ENTREP2: variants seen among roughly 807,000 people sequenced by gnomAD.
The protein encoded by ENTREP2 is protein ENTREP2.
the ENTREP2 span, among the ~76,000 whole-genome samples, chr15:29,244,562 A>G: frequency 1.2e-3 from 188 of 152,326 alleles, 3 homozygotes; most frequent in Admixed American, 0.012. Flanking sequence ...TGGATATGGA[A>G]GGCTGTGGTC....
the ENTREP2 span, among the ~76,000 whole-genome samples, chr15:29,516,309 A>C: frequency 6.6e-6 from 1 of 152,200 alleles, no homozygotes; most frequent in Admixed American, 6.5e-5. Context: ...ATGTCAACAA[A>C]TGGCAAACGC....
chr15:29,417,310 C>T, the ENTREP2 span, among the ~76,000 whole-genome samples: 2 of 152,260 alleles, frequency 1.3e-5, no homozygotes, highest in Admixed American at 6.5e-5. Context: ...GAATACTATG[C>T]AGCCATAAAA....
the ENTREP2 span, among the ~76,000 whole-genome samples, chr15:29,450,326 T>C: frequency 1.3e-5 from 2 of 152,222 alleles, no homozygotes; most frequent in Non-Finnish European, 2.9e-5. Context: ...AAATGGTATT[T>C]CCTGGGTTAT....
the ENTREP2 span, among the ~76,000 whole-genome samples, chr15:29,207,706 C>T: frequency 1.3e-5 from 2 of 152,134 alleles, no homozygotes; most frequent in Non-Finnish European, 2.9e-5. Flanking sequence ...TTCTCCAAGT[C>T]CCCACTCCAC....
At chr15:29,596,430 G>A in the ENTREP2 span, among the ~76,000 whole-genome samples, 1 of 152,078 alleles carries the variant, frequency 6.6e-6, no homozygotes, top group South Asian at 2.1e-4. Flanking sequence ...CCCAGTATAC[G>A]TGTACGGTGG....
the ENTREP2 span, chr15:29,609,811 G>A: frequency 6.7e-6 from 1 of 150,346 alleles, no homozygotes; most frequent in Non-Finnish European, 1.5e-5. Flanking sequence ...TCTAGAGGTG[G>A]AATAGTTCAA....
the ENTREP2 span, among the ~76,000 whole-genome samples, chr15:29,419,994 T>G: frequency 6.6e-6 from 1 of 152,190 alleles, no homozygotes; most frequent in Non-Finnish European, 1.5e-5. Context: ...GAATATGGAC[T>G]GCGACCAAAC....
chr15:29,218,345 G>A, the ENTREP2 span, among the ~76,000 whole-genome samples: 2 of 152,118 alleles, frequency 1.3e-5, no homozygotes, highest in Admixed American at 6.5e-5. Flanking sequence ...CATACCCCAC[G>A]CTCATGGATG....
the ENTREP2 span, chr15:29,126,321 C>G: frequency 1.3e-6 from 2 of 1,516,464 alleles, no homozygotes; most frequent in Non-Finnish European, 1.8e-6. Flanking sequence ...GACACACGCC[C>G]GGGACCTGGC....
the ENTREP2 span, among the ~76,000 whole-genome samples, chr15:29,500,084 G>T: frequency 6.6e-6 from 1 of 151,948 alleles, no homozygotes; most frequent in African/African-American, 2.4e-5. Context: ...TACCAACAGA[G>T]TCCTAAAAAT....
the ENTREP2 span, among the ~76,000 whole-genome samples, chr15:29,502,129 C>T: frequency 1.3e-5 from 2 of 151,828 alleles, no homozygotes; most frequent in Non-Finnish European, 2.9e-5. Context: ...ACTAATCCTA[C>T]AATTCATATG....
the ENTREP2 span, among the ~76,000 whole-genome samples, chr15:29,434,040 T>C: frequency 6.6e-6 from 1 of 152,196 alleles, no homozygotes; most frequent in African/African-American, 2.4e-5. Flanking sequence ...AATGTGAGCT[T>C]AGAGTGTACA....
At chr15:29,528,028 A>G in the ENTREP2 span, among the ~76,000 whole-genome samples, 9 of 152,130 alleles carry the variant, frequency 5.9e-5, no homozygotes, top group African/African-American at 2.2e-4. Flanking sequence ...TCCATTTGGC[A>G]AACACTCACT....
chr15:29,457,677 G>A, the ENTREP2 span, among the ~76,000 whole-genome samples: 1 of 152,216 alleles, frequency 6.6e-6, no homozygotes, highest in Non-Finnish European at 1.5e-5. Flanking sequence ...AGCAGTGGAG[G>A]CCTCACTTCC....
chr15:29,396,063 T>G, the ENTREP2 span, among the ~76,000 whole-genome samples: 1 of 152,206 alleles, frequency 6.6e-6, no homozygotes, highest in Non-Finnish European at 1.5e-5. Flanking sequence ...ATTACCACAA[T>G]CAAGCTAACC....
At chr15:29,519,164 C>CACAT in the ENTREP2 span, among the ~76,000 whole-genome samples, 2 of 151,922 alleles carry the variant, frequency 1.3e-5, no homozygotes, top group African/African-American at 4.8e-5. Flanking sequence ...CTCTCTCACA[C>CACAT]ACACACACAC....
chr15:29,308,169 G>A, the ENTREP2 span, among the ~76,000 whole-genome samples: 1 of 151,992 alleles, frequency 6.6e-6, no homozygotes, highest in Non-Finnish European at 1.5e-5. Flanking sequence ...GAACTGTCTT[G>A]ATGCTTGACC....
chr15:29,446,071 C>T, the ENTREP2 span, among the ~76,000 whole-genome samples: 5 of 152,172 alleles, frequency 3.3e-5, no homozygotes, highest in Admixed American at 6.5e-5. Flanking sequence ...AATTAAGAGG[C>T]CGAAGAGAGC....
the ENTREP2 span, among the ~76,000 whole-genome samples, chr15:29,419,358 G>T: frequency 6.6e-6 from 1 of 152,078 alleles, no homozygotes; most frequent in South Asian, 2.1e-4. Context: ...TAACTCAACA[G>T]ATGGGTTTAA....
Sources: gnomAD v4.1 joint callset for allele counts (sites outside exome capture counted in the v4.1 genomes callset) on GRCh38, gnomAD v4.1.1 for gene constraint, MANE v1.5 for transcripts, NCBI Gene and HGNC (gene_info 2026-07-23, HGNC 2026-07-21) for gene names.